The following NEDD4L variants were observed in gnomAD, a reference collection of about 807,000 sequenced individuals.
NEDD4L encodes the protein E3 ubiquitin-protein ligase NEDD4-like.
A neutral mutation model predicts 148.9 loss-of-function variants in NEDD4L; 54 were observed. That is an observed-to-expected ratio of 0.36 (90% CI 0.29 to 0.45). The LOEUF (loss-of-function observed/expected upper bound fraction) is 0.45. Ranked by LOEUF, NEDD4L falls within the 20% of genes least tolerant of loss-of-function variation. The pLI is 1.00. For synonymous variants in NEDD4L, 433 were observed against 440.7 expected, an observed-to-expected ratio of 0.98 and a Z score of 0.22; for missense variants, 856 against 1,233.8, an observed-to-expected ratio of 0.69 and a Z score of 4.59.
intron 1 of NEDD4L, among the ~76,000 whole-genome samples, chr18:58,085,080 C>T (rs1416431738): frequency 4.6e-5 from 7 of 152,140 alleles, no homozygotes; most frequent in Admixed American, 6.5e-5. Context: ...TAGAGCCCAG[C>T]GTAATGGCCT....
At chr18:58,057,822 C>T (rs2082155861) in intron 1 of NEDD4L, among the ~76,000 whole-genome samples, 1 of 152,146 alleles carries the variant, frequency 6.6e-6, no homozygotes, top group African/African-American at 2.4e-5. Context: ...TGCCTTGAGG[C>T]AATTTTAAAA....
rs2041452190 is a variant in NEDD4L, at chr18:58,201,844, A to G, written c.122+35983A>G. 1.3e-5 allele frequency among the ~76,000 whole-genome samples: 2 copies of G among 152,178 alleles called. 1 individual carries two copies. The highest frequency in any genetic ancestry group is 4.2e-4 in the South Asian group (2 of 4,814). ...TTCTTTTTTTCACTTAGCGTTGTAT[A>G]CTGGAACTCACTCAATGTCAGTATA... is the stretch of plus-strand genomic sequence containing the variant. On this transcript the variant is annotated intron_variant, in intron 2 of 30. Transcript: ENST00000400345.
intron 22 of NEDD4L, among the ~76,000 whole-genome samples, chr18:58,368,445 C>G (rs2046395404): frequency 6.6e-6 from 1 of 152,126 alleles, no homozygotes; most frequent in East Asian, 1.9e-4. Flanking sequence ...TTAGAGACTT[C>G]TAAAAGATTT....
At chr18:58,263,423 C>T (rs2049739249) in intron 5 of NEDD4L, among the ~76,000 whole-genome samples, 1 of 152,170 alleles carries the variant, frequency 6.6e-6, no homozygotes, top group East Asian at 1.9e-4. Flanking sequence ...TTGCAACCCA[C>T]ATCATCACTC....
intron 30 of NEDD4L, among the ~76,000 whole-genome samples, chr18:58,392,856 A>G (rs1256370532): frequency 6.6e-6 from 1 of 152,208 alleles, no homozygotes; most frequent in Admixed American, 6.5e-5. Context: ...CAGGATGAAG[A>G]TTAGGAAAAG....
At chr18:58,190,779 T>C (rs2040018668) in intron 2 of NEDD4L, among the ~76,000 whole-genome samples, 1 of 152,206 alleles carries the variant, frequency 6.6e-6, no homozygotes, top group African/African-American at 2.4e-5. Flanking sequence ...TAGCTTACCT[T>C]TTACCTCCAT....
chr18:58,338,983 A>G (rs1314150926), intron 13 of NEDD4L, among the ~76,000 whole-genome samples: 1 of 152,152 alleles, frequency 6.6e-6, no homozygotes, highest in African/African-American at 2.4e-5. Context: ...TTCTGACATG[A>G]TCTATGACAC....
chr18:58,286,860 T>C (rs1380942450), intron 5 of NEDD4L, among the ~76,000 whole-genome samples: 1 of 152,238 alleles, frequency 6.6e-6, no homozygotes, highest in African/African-American at 2.4e-5. Context: ...GTGCATAAAC[T>C]GCATTTGGAA....
At chr18:58,100,930 C>T (rs1011582819) in intron 1 of NEDD4L, among the ~76,000 whole-genome samples, 4 of 152,104 alleles carry the variant, frequency 2.6e-5, no homozygotes, top group East Asian at 3.9e-4. Context: ...CTTGGCCTCC[C>T]GAGTAGCTGG....
intron 4 of NEDD4L, 45 bp downstream of exon 4, chr18:58,248,982 G>A: frequency 1.1e-6 from 1 of 926,202 alleles, no homozygotes; most frequent in Admixed American, 2.5e-5. Context: ...GATACGTCTA[G>A]GTCGATTATC....
intron 2 of NEDD4L, among the ~76,000 whole-genome samples, chr18:58,213,668 T>C (rs78834884): frequency 0.015 from 2,344 of 152,290 alleles, 55 homozygotes; most frequent in African/African-American, 0.054. Flanking sequence ...TCCCCATTTT[T>C]TTCCTATGAA....
intron 1 of NEDD4L, among the ~76,000 whole-genome samples, chr18:58,075,563 C>T (rs1292154700): frequency 1.3e-5 from 2 of 152,182 alleles, no homozygotes; most frequent in African/African-American, 4.8e-5. Context: ...GATCCCCTCA[C>T]TTCAGCATCC....
chr18:58,140,055 G>A (rs2033323752), intron 1 of NEDD4L, among the ~76,000 whole-genome samples: 1 of 152,198 alleles, frequency 6.6e-6, no homozygotes, highest in Non-Finnish European at 1.5e-5. Flanking sequence ...AATTTAGGGG[G>A]CTTCCCAGGG....
intron 5 of NEDD4L, among the ~76,000 whole-genome samples, chr18:58,303,068 C>A (rs1039872158): frequency 2.0e-5 from 3 of 152,214 alleles, no homozygotes; most frequent in Non-Finnish European, 4.4e-5. Context: ...CAGCCCTGCT[C>A]CTGGGGCCTT....
intron 1 of NEDD4L, among the ~76,000 whole-genome samples, chr18:58,058,815 C>T (rs979630628): frequency 6.6e-6 from 1 of 152,220 alleles, no homozygotes; most frequent in African/African-American, 2.4e-5. Context: ...TGCATAGTTA[C>T]TTCTACTGAA....
intron 1 of NEDD4L, among the ~76,000 whole-genome samples, chr18:58,063,739 T>C (rs2082450868): frequency 6.7e-6 from 1 of 149,178 alleles, no homozygotes; most frequent in South Asian, 2.1e-4. Context: ...CTAATTTTTG[T>C]ATTTTTTGTA....
chr18:58,068,499 G>A (rs139274349), intron 1 of NEDD4L, among the ~76,000 whole-genome samples: 33 of 152,150 alleles, frequency 2.2e-4, no homozygotes, highest in East Asian at 5.8e-4. Context: ...GCTCACAGCC[G>A]AACTCCTAGA....
chr18:58,146,590 C>T (rs2034121205), intron 1 of NEDD4L, among the ~76,000 whole-genome samples: 1 of 152,140 alleles, frequency 6.6e-6, no homozygotes, highest in South Asian at 2.1e-4. Flanking sequence ...CTAAAAAGTG[C>T]CGGAGAACCT....
chr18:58,133,549 G>A (rs1165187889), intron 1 of NEDD4L, among the ~76,000 whole-genome samples: 1 of 152,158 alleles, frequency 6.6e-6, no homozygotes, highest in Non-Finnish European at 1.5e-5. Flanking sequence ...TTTGGGAGGC[G>A]AGAAATATGT....
Sources: gnomAD v4.1 joint callset for allele counts (sites outside exome capture counted in the v4.1 genomes callset) on GRCh38, gnomAD v4.1.1 for gene constraint, MANE v1.5 for transcripts, NCBI Gene and HGNC (gene_info 2026-07-23, HGNC 2026-07-21) for gene names.